INPP4B: variants seen among roughly 807,000 people sequenced by gnomAD.
INPP4B encodes the protein inositol polyphosphate 4-phosphatase type II.
Under a neutral mutation model 122.5 loss-of-function variants are expected in INPP4B, and 55 were observed. That is an observed-to-expected ratio of 0.45 (90% CI 0.36 to 0.56). The LOEUF is 0.56. INPP4B is among the 20% of genes least tolerant of loss of function. The probability of loss-of-function intolerance (pLI) is 0.00; values close to 1 mark genes in which losing one functional copy is unlikely to be tolerated. For missense variants in INPP4B, 1,000 were observed against 1,097.7 expected (o/e 0.91, Z 1.26); for synonymous variants, 403 against 388.7 (o/e 1.04, Z -0.43).
chr4:142,190,358 A>T (rs1295508412), intron 15 of INPP4B, among the ~76,000 whole-genome samples: 1 of 152,150 alleles, frequency 6.6e-6, no homozygotes, highest in Non-Finnish European at 1.5e-5. Flanking sequence ...TTACTTCTAT[A>T]CATTGCTGTT....
rs141012165 is a variant in INPP4B at position 142,365,133 on chromosome 4, G to A, written c.372+37805C>T. Among the ~76,000 whole-genome samples the A allele has an allele frequency of 5.5e-3, 831 of 152,166 alleles. 12 individuals carry two copies. The highest frequency in any genetic ancestry group is 0.018 in the African/African-American group (753 of 41,554). On this transcript the variant is annotated intron_variant, in intron 7 of 25. Transcript: ENST00000262992. ...AGACATGAAATTAGAGTTTTCAACT[G>A]GGCAGAATTTGAGTAATGAAAAATG...
intron 1 of INPP4B, chr4:142,766,671 C>T (rs1772195011): frequency 6.6e-6 from 1 of 151,812 alleles, no homozygotes; most frequent in Non-Finnish European, 1.5e-5. Flanking sequence ...ACCTTTATGC[C>T]CAGCCATAAA....
At chr4:142,216,348 C>CTTAG (rs1847248376) in intron 12 of INPP4B, among the ~76,000 whole-genome samples, 1 of 152,144 alleles carries the variant, frequency 6.6e-6, no homozygotes, top group Non-Finnish European at 1.5e-5. Context: ...TATTAATAAG[C>CTTAG]TTAGGCCTCT....
In INPP4B at chr4:142,208,960, A is replaced by G; in HGVS notation, c.903T>C (p.Leu301=). 1.9e-6 allele frequency: 3 copies of G among 1,606,344 alleles called. No homozygotes were observed. Among genetic ancestry groups the G allele is most frequent in the Non-Finnish European group, 1.7e-6 (2 of 1,174,900 alleles). ...PHWDNLRKNV[L]THCDQMVNMY... Reference sequence around the variant, plus strand: ...TATTCACCATTTGATCACAGTGAGTAAGGACATTTTTTCGCAGATTGTCCC... The same window carrying G: ...TATTCACCATTTGATCACAGTGAGTGAGGACATTTTTTCGCAGATTGTCCC... Residue 301 remains leucine (L), a synonymous_variant, in exon 13 of 26, where the codon CTT becomes CTC. Transcript: ENST00000262992.
At chr4:142,836,265 A>C (rs1018411119) in intron 1 of INPP4B, among the ~76,000 whole-genome samples, 4 of 152,152 alleles carry the variant, frequency 2.6e-5, no homozygotes, top group Admixed American at 1.3e-4. Context: ...ATGTCTTAAA[A>C]GGGGCACACA....
rs991835729 is a variant in INPP4B, at chr4:142,128,232, A to G, written c.1721-3472T>C. Among the ~76,000 whole-genome samples the G allele has an allele frequency of 9.2e-5, 14 of 151,976 alleles. No homozygotes were observed. The South Asian group carries it at 1.7e-3, about 18-fold the overall frequency. On this transcript the variant is annotated intron_variant, in intron 18 of 25. Coordinates refer to ENST00000262992, the MANE Select transcript of INPP4B (RefSeq NM_001101669.3). ...TGTGTGTGTGTGTGTGTATGTATAT[A>G]CACATATATATACGTGTGTGCACAC...
intron 23 of INPP4B, among the ~76,000 whole-genome samples, chr4:142,094,176 G>C (rs949065597): frequency 6.6e-6 from 1 of 152,082 alleles, no homozygotes; most frequent in Non-Finnish European, 1.5e-5. Context: ...TCCTCAAGAT[G>C]CCTAAGATAG....
In INPP4B at chr4:142,642,965, C is replaced by T. The variant is rs139776002; in HGVS notation, c.-191+82874G>A. Among the ~76,000 whole-genome samples the T allele has an allele frequency of 2.6e-3, 402 of 152,230 alleles. 6 individuals carry two copies. Among genetic ancestry groups the T allele is most frequent in the East Asian group, 0.018 (94 of 5,178 alleles). The stretch of plus-strand genomic sequence containing the variant: ...TCATGGAGCAGTGGTTTGTAGTTCT[C>T]CTTGAAGAGGTCCTTCACATCCCTT... On this transcript the variant is annotated intron_variant, in intron 2 of 25. Transcript: ENST00000262992.
chr4:142,479,890 T>C (rs1366588950), intron 2 of INPP4B, among the ~76,000 whole-genome samples: 8 of 152,146 alleles, frequency 5.3e-5, no homozygotes, highest in African/African-American at 1.9e-4. Flanking sequence ...ATATAATCTG[T>C]ACACCAAAAC....
At chr4:142,655,460 A>G (rs1753946830) in intron 2 of INPP4B, among the ~76,000 whole-genome samples, 1 of 152,200 alleles carries the variant, frequency 6.6e-6, no homozygotes, top group South Asian at 2.1e-4. Context: ...CTCATTTTTA[A>G]TATTTGCCTC....
At chr4:142,619,741 A>G (rs1744480058) in intron 2 of INPP4B, among the ~76,000 whole-genome samples, 1 of 152,016 alleles carries the variant, frequency 6.6e-6, no homozygotes, top group South Asian at 2.1e-4. Context: ...AAATGTGTTA[A>G]GAGGGCAGAT....
At chr4:142,185,595 C>G (rs1335458568) in intron 15 of INPP4B, among the ~76,000 whole-genome samples, 1 of 151,924 alleles carries the variant, frequency 6.6e-6, no homozygotes, top group Non-Finnish European at 1.5e-5. Context: ...AAGAAGTCCT[C>G]TTGGCCGGGC....
At chr4:142,565,399 T>A (rs1289236306) in intron 2 of INPP4B, among the ~76,000 whole-genome samples, 1 of 152,162 alleles carries the variant, frequency 6.6e-6, no homozygotes, top group Non-Finnish European at 1.5e-5. Context: ...ACAAAATAAA[T>A]CTTGATCATA....
intron 2 of INPP4B, among the ~76,000 whole-genome samples, chr4:142,508,116 G>A (rs1196753062): frequency 1.3e-5 from 2 of 152,046 alleles, no homozygotes; most frequent in African/African-American, 2.4e-5. Context: ...GGATCTAGGG[G>A]CCATCTTTTT....
At chr4:142,301,491 T>C (rs1245323107) in intron 9 of INPP4B, among the ~76,000 whole-genome samples, 4 of 152,180 alleles carry the variant, frequency 2.6e-5, no homozygotes, top group African/African-American at 9.6e-5. Context: ...TAATCCCACT[T>C]GCACAGTCAG....
chr4:142,432,461 G>C (rs897108382), intron 3 of INPP4B, among the ~76,000 whole-genome samples: 1 of 151,940 alleles, frequency 6.6e-6, no homozygotes, highest in Non-Finnish European at 1.5e-5. Flanking sequence ...ATACATATTG[G>C]CTTCTAAGGA....
chr4:142,360,292 G>GATT (rs1308414877), intron 7 of INPP4B, among the ~76,000 whole-genome samples: 1 of 151,874 alleles, frequency 6.6e-6, no homozygotes, highest in Non-Finnish European at 1.5e-5. Flanking sequence ...TATAAAACCA[G>GATT]GGTCAAATTA....
chr4:142,512,784 GATCT>G (rs1293673758), intron 2 of INPP4B, among the ~76,000 whole-genome samples: 2 of 152,056 alleles, frequency 1.3e-5, no homozygotes, highest in Non-Finnish European at 2.9e-5. Flanking sequence ...GAAAATTGTT[GATCT>G]ATTTCAAACT....
intron 9 of INPP4B, among the ~76,000 whole-genome samples, chr4:142,294,024 A>G (rs1014602535): frequency 6.6e-6 from 1 of 152,178 alleles, no homozygotes; most frequent in Non-Finnish European, 1.5e-5. Context: ...GGAATAATAG[A>G]CACTGGAGAC....
Sources: gnomAD v4.1 joint callset for allele counts (sites outside exome capture counted in the v4.1 genomes callset) on GRCh38, gnomAD v4.1.1 for gene constraint, MANE v1.5 for transcripts, NCBI Gene and HGNC (gene_info 2026-07-23, HGNC 2026-07-21) for gene names.